TTLL2: variants seen among roughly 807,000 people sequenced by gnomAD.
TTLL2 encodes probable tubulin polyglutamylase TTLL2.
Under a neutral mutation model 7.5 loss-of-function variants are expected in TTLL2, and 10 were observed. The observed-to-expected ratio is 1.33, with a 90% confidence interval of 0.82 to 2.25. TTLL2 has a LOEUF of 2.25. TTLL2 is among the 30% of genes most tolerant of loss of function. TTLL2 has a pLI of 0.00. For synonymous variants in TTLL2, 284 were observed against 280.3 expected (o/e 1.01, Z -0.13); for missense variants, 733 against 735.7 (o/e 1.00, Z 0.04).
rs1779086709 is a variant in TTLL2 at position 167,341,167 on chromosome 6, G to A, written c.1267G>A (p.Glu423Lys). The change falls in exon 3 of 3, where the codon GAG becomes AAG. Residue 423 changes from glutamate to lysine, a missense_variant. Physicochemically the swap from Glu to Lys is moderately conservative, Grantham distance 56 (BLOSUM62 1). Transcript: ENST00000239587. ...GATTTACTTAAATGGTCTAAGAAAT[G>A]AGGGGAGAGAAGCCAGTAATGCCAC... ...DLIYLNGLRN[E>K]GREASNATHG... 1 of 1,613,906 alleles carries A rather than the reference G, an allele frequency of 6.2e-7. No individual in the cohort carries two copies. The highest frequency in any genetic ancestry group is 8.5e-7 in the Non-Finnish European group (1 of 1,180,002).
chr6:167,328,547 T>C (rs528220508), intron 1 of TTLL2, among the ~76,000 whole-genome samples: 1 of 152,186 alleles, frequency 6.6e-6, no homozygotes, highest in South Asian at 2.1e-4. Flanking sequence ...AAAGTGTCTG[T>C]CTGTTGGCTG....
intron 1 of TTLL2, among the ~76,000 whole-genome samples, chr6:167,330,274 C>T (rs1455572996): frequency 6.6e-6 from 1 of 152,148 alleles, no homozygotes; most frequent in African/African-American, 2.4e-5. Flanking sequence ...AAACAATGTA[C>T]TGGCCAGGTG....
rs1199746671 is a variant in TTLL2, at chr6:167,340,465, A to C, written c.565A>C (p.Thr189Pro). Residue 189 changes from threonine to proline, a missense_variant, in exon 3 of 3, where the codon ACC (threonine) becomes CCC (proline). Transcript: ENST00000239587. Reference protein sequence around the residue: ...PLTFVMPNDYTKFVAEYFQER... With the variant: ...PLTFVMPNDYPKFVAEYFQER... ...GACGTTCGTCATGCCCAATGACTATACCAAGTTCGTGGCTGAATACTTTCA... is the reference window on the plus strand; with the variant it reads ...GACGTTCGTCATGCCCAATGACTATCCCAAGTTCGTGGCTGAATACTTTCA... 3 of 1,614,110 alleles carry C rather than the reference A, an allele frequency of 1.9e-6. No individual in the cohort carries two copies. Among genetic ancestry groups the C allele is most frequent in the African/African-American group, 1.3e-5 (1 of 74,988 alleles).
intron 1 of TTLL2, among the ~76,000 whole-genome samples, chr6:167,329,370 T>C (rs1276222725): frequency 6.6e-6 from 1 of 152,018 alleles, no homozygotes; most frequent in Non-Finnish European, 1.5e-5. Flanking sequence ...CCAAATACAG[T>C]TTTTCGACAT....
chr6:167,328,384 G>A (rs1399168405), intron 1 of TTLL2: 1 of 293,006 alleles, frequency 3.4e-6, no homozygotes, highest in Non-Finnish European at 6.7e-6. Context: ...ATATCATCAA[G>A]GTATGGAAAA....
intron 2 of TTLL2, among the ~76,000 whole-genome samples, chr6:167,339,774 C>T (rs1013631427): frequency 5.3e-5 from 8 of 152,262 alleles, no homozygotes; most frequent in Admixed American, 1.3e-4. Context: ...GCCAACAGGA[C>T]GGGCCGCAGA....
chr6:167,336,156 G>T (rs1778981491), intron 1 of TTLL2, among the ~76,000 whole-genome samples: 1 of 151,898 alleles, frequency 6.6e-6, no homozygotes, highest in Non-Finnish European at 1.5e-5. Flanking sequence ...CCTTCCTACA[G>T]ATGTCCAGTG....
chr6:167,341,170 G>A lies in TTLL2; in HGVS notation c.1270G>A (p.Gly424Arg), dbSNP rs141172576. 33 of 1,613,740 alleles carry A rather than the reference G, an allele frequency of 2.0e-5. No homozygotes were observed. Among genetic ancestry groups the A allele is most frequent in the Admixed American group, 6.7e-5 (4 of 59,970 alleles). ...TTACTTAAATGGTCTAAGAAATGAG[G>A]GGAGAGAAGCCAGTAATGCCACACA... is the stretch of plus-strand genomic sequence containing the variant. ...LIYLNGLRNE[G>R]REASNATHGN... is the part of the protein sequence containing the mutation. The change falls in exon 3 of 3, where the codon GGG becomes AGG. Residue 424 changes from glycine (G) to arginine (R), a missense_variant. By Grantham distance (125) the Gly-to-Arg change is moderately radical (BLOSUM62 -2). Transcript: ENST00000239587.
chr6:167,327,045 GA>G (rs906028189), intron 1 of TTLL2, among the ~76,000 whole-genome samples: 5 of 150,470 alleles, frequency 3.3e-5, no homozygotes, highest in Admixed American at 1.3e-4. Context: ...AAAGAGGAAG[GA>G]AAAAAAAAGG....
In TTLL2 at chr6:167,341,725, A is replaced by T. The variant is rs1460334514; in HGVS notation, c.*46A>T. 1.7e-5 allele frequency: 26 copies of T among 1,536,374 alleles called. No homozygotes were observed. Among genetic ancestry groups the T allele is most frequent in the Non-Finnish European group, 2.2e-5 (25 of 1,149,680 alleles). Reference sequence around the variant, plus strand: ...GAAAAAGTGACATGGATTTTTAAAAACCAAGGATCCTGTCCTAGAGAAAGC... The same window carrying T: ...GAAAAAGTGACATGGATTTTTAAAATCCAAGGATCCTGTCCTAGAGAAAGC... On this transcript the variant is annotated 3_prime_UTR_variant, in exon 3 of 3. Transcript: ENST00000239587.
chr6:167,327,802 A>G (rs1253482885), intron 1 of TTLL2, among the ~76,000 whole-genome samples: 4 of 152,222 alleles, frequency 2.6e-5, no homozygotes, highest in Non-Finnish European at 5.9e-5. Context: ...TCCTAAAAGT[A>G]TAGGTCTTTT....
At chr6:167,336,947 G>C (rs569541526) in intron 1 of TTLL2, among the ~76,000 whole-genome samples, 1 of 152,004 alleles carries the variant, frequency 6.6e-6, no homozygotes, top group African/African-American at 2.4e-5. Context: ...TCTGTCCCCC[G>C]CCCTGGGATG....
chr6:167,325,239 A>T lies in TTLL2; in HGVS notation c.47+19A>T. The T allele has an allele frequency of 6.5e-7, 1 of 1,543,616 alleles. No homozygotes were observed. Among genetic ancestry groups the T allele is most frequent in the Non-Finnish European group, 8.8e-7 (1 of 1,142,538 alleles). On this transcript the variant is annotated intron_variant, in intron 1 of 2. Transcript: ENST00000239587. Reference sequence around the variant, plus strand: ...CGCTGGGGTAAGCGTAGGAGGCGACACGTAGGATGGGAGGGTGGCCCCGAT... The same window carrying T: ...CGCTGGGGTAAGCGTAGGAGGCGACTCGTAGGATGGGAGGGTGGCCCCGAT...
At chr6:167,329,594 G>T (rs1778894557) in intron 1 of TTLL2, among the ~76,000 whole-genome samples, 1 of 152,072 alleles carries the variant, frequency 6.6e-6, no homozygotes, top group African/African-American at 2.4e-5. Context: ...TATTTGTATA[G>T]TACATTTGTA....
At chr6:167,326,825 CA>C (rs1360257567) in intron 1 of TTLL2, among the ~76,000 whole-genome samples, 2 of 152,120 alleles carry the variant, frequency 1.3e-5, no homozygotes, top group East Asian at 3.8e-4. Context: ...CCAGGGCAGC[CA>C]AAAGACTGGA....
At position 167,342,457 on chromosome 6, in the gene TTLL2, C is replaced by T. The variant is rs1454988452; in HGVS notation, c.*778C>T. Among the ~76,000 whole-genome samples, 1 of 152,148 alleles carries T rather than the reference C, an allele frequency of 6.6e-6. No individual in the cohort carries two copies. Among genetic ancestry groups the T allele is most frequent in the Non-Finnish European group, 1.5e-5 (1 of 68,028 alleles). On this transcript the variant is annotated 3_prime_UTR_variant, in exon 3 of 3. Coordinates refer to ENST00000239587, the MANE Select transcript of TTLL2 (RefSeq NM_031949.5). The stretch of plus-strand genomic sequence containing the variant: ...CAAAAGGCCACATGTTGTATGACTC[C>T]GTTGATATGGAATGTCAGAATTGGC...
chr6:167,331,411 C>T (rs1390753295), intron 1 of TTLL2, among the ~76,000 whole-genome samples: 1 of 152,168 alleles, frequency 6.6e-6, no homozygotes, highest in Non-Finnish European at 1.5e-5. Flanking sequence ...ATGTCCCCTC[C>T]TCCTAACCTT....
intron 1 of TTLL2, chr6:167,328,145 C>G (rs1039141005): frequency 6.6e-6 from 3 of 456,138 alleles, no homozygotes; most frequent in East Asian, 6.9e-5. Flanking sequence ...GAAAAAGACT[C>G]TTAGTTATTT....
chr6:167,338,727 T>C lies in TTLL2; in HGVS notation c.128T>C (p.Leu43Pro). 6.2e-7 allele frequency: 1 copy of C among 1,614,112 alleles called. No individual in the cohort carries two copies. The highest frequency in any genetic ancestry group is 8.5e-7 in the Non-Finnish European group (1 of 1,179,998). The change falls in exon 2 of 3, where the codon CTG (leucine) becomes CCG (proline). Residue 43 changes from leucine to proline, a missense_variant. Leu to Pro is a moderately conservative substitution (Grantham distance 98, BLOSUM62 -3). Transcript: ENST00000239587. ...ANHTEQPPAG[L>P]GARLQEAGVS... is the part of the protein sequence containing the mutation. The stretch of plus-strand genomic sequence containing the variant: ...CACACTGAGCAGCCGCCTGCAGGCC[T>C]GGGAGCAAGGCTACAGGAAGCAGGT...
Sources: gnomAD v4.1 joint callset for allele counts (sites outside exome capture counted in the v4.1 genomes callset) on GRCh38, gnomAD v4.1.1 for gene constraint, MANE v1.5 for transcripts, NCBI Gene and HGNC (gene_info 2026-07-23, HGNC 2026-07-21) for gene names.